STPG2: variants seen among roughly 807,000 people sequenced by gnomAD.
STPG2 encodes sperm tail PG-rich repeat containing 2, also known as sperm-tail PG-rich repeat-containing protein 2.
STPG2 carries 56 observed loss-of-function variants against 54.2 expected under a neutral mutation model. That is an observed-to-expected ratio of 1.03 (90% CI 0.83 to 1.29). The LOEUF (loss-of-function observed/expected upper bound fraction) is 1.29. Ranked by LOEUF, STPG2 falls within the 50% of genes most tolerant of loss-of-function variation. The pLI, the probability that STPG2 is intolerant of heterozygous loss-of-function variation, is 0.00. For synonymous variants in STPG2, 200 were observed against 181.8 expected (o/e 1.10, Z -0.81); for missense variants, 596 against 544.9 (o/e 1.09, Z -0.93).
At chr4:98,116,767 T>C (rs187794039) in intron 3 of STPG2, among the ~76,000 whole-genome samples, 25 of 151,996 alleles carry the variant, frequency 1.6e-4, no homozygotes, top group Admixed American at 2.6e-4. Flanking sequence ...AAAACTCCCA[T>C]GGCCAGAAAG....
intron 5 of STPG2, among the ~76,000 whole-genome samples, chr4:98,021,994 AT>A (rs1736222059): frequency 6.6e-6 from 1 of 151,442 alleles, no homozygotes; most frequent in African/African-American, 2.4e-5. Context: ...GTGTCTTTTA[AT>A]TGGAGCATAT....
At chr4:97,954,456 G>T (rs1195527348) in intron 7 of STPG2, among the ~76,000 whole-genome samples, 1 of 152,204 alleles carries the variant, frequency 6.6e-6, no homozygotes. Context: ...GAGCCTCAAA[G>T]CACATGGCCT....
At chr4:97,793,569 G>C (rs757274189) in intron 9 of STPG2, among the ~76,000 whole-genome samples, 13 of 151,600 alleles carry the variant, frequency 8.6e-5, no homozygotes, top group Non-Finnish European at 1.3e-4. Context: ...TTTACCAAAG[G>C]GGTTTCTAAA....
At chr4:97,616,892 T>C (rs1482019488) in intron 10 of STPG2, among the ~76,000 whole-genome samples, 1 of 152,120 alleles carries the variant, frequency 6.6e-6, no homozygotes, top group Non-Finnish European at 1.5e-5. Flanking sequence ...ATGATTTTGT[T>C]TTCAGGAAGA....
At chr4:98,042,138 C>G in intron 5 of STPG2, among the ~76,000 whole-genome samples, 1 of 151,708 alleles carries the variant, frequency 6.6e-6, no homozygotes, top group East Asian at 1.9e-4. Flanking sequence ...TCATAGCAGT[C>G]TCTGATAATC....
At chr4:98,104,290 T>C (rs975430782) in intron 5 of STPG2, among the ~76,000 whole-genome samples, 1 of 152,182 alleles carries the variant, frequency 6.6e-6, no homozygotes, top group African/African-American at 2.4e-5. Context: ...TCTTCCCTCA[T>C]TGCCTGAAAA....
At chr4:98,091,004 T>C (rs904734507) in intron 5 of STPG2, among the ~76,000 whole-genome samples, 1 of 151,532 alleles carries the variant, frequency 6.6e-6, no homozygotes, top group African/African-American at 2.4e-5. Flanking sequence ...AAATGTCACA[T>C]GCTTCTTATA....
chr4:98,107,101 G>T (rs772895176), intron 4 of STPG2, among the ~76,000 whole-genome samples: 1 of 152,034 alleles, frequency 6.6e-6, no homozygotes. Context: ...CAAATAAACC[G>T]CTTTCAAACC....
intron 10 of STPG2, among the ~76,000 whole-genome samples, chr4:97,614,665 T>C (rs1449120920): frequency 6.6e-6 from 1 of 152,166 alleles, no homozygotes; most frequent in Admixed American, 6.6e-5. Context: ...CTTTGTGCTT[T>C]ACCTTCAAGA....
intron 9 of STPG2, among the ~76,000 whole-genome samples, chr4:97,785,041 G>C (rs949592784): frequency 2.6e-5 from 4 of 152,032 alleles, no homozygotes; most frequent in Admixed American, 1.3e-4. Context: ...TGAAAAGATA[G>C]AGGTGCTACA....
intron 5 of STPG2, among the ~76,000 whole-genome samples, chr4:98,077,697 A>G (rs560665164): frequency 8.5e-5 from 13 of 152,360 alleles, no homozygotes; most frequent in Admixed American, 4.6e-4. Context: ...TAAAAATGCT[A>G]AAAATGTATT....
At chr4:98,064,853 C>G (rs1248405873) in intron 5 of STPG2, among the ~76,000 whole-genome samples, 2 of 152,034 alleles carry the variant, frequency 1.3e-5, no homozygotes. Flanking sequence ...AAACACAAAA[C>G]ATACATTCCA....
intron 5 of STPG2, among the ~76,000 whole-genome samples, chr4:98,094,286 T>C (rs182195070): frequency 3.9e-5 from 6 of 152,286 alleles, no homozygotes; most frequent in Admixed American, 3.9e-4. Flanking sequence ...GGAAACCTGC[T>C]GCCTTGAAGC....
downstream of STPG2, among the ~76,000 whole-genome samples, chr4:97,554,637 A>C (rs558029401): frequency 9.9e-5 from 15 of 152,092 alleles, no homozygotes; most frequent in Non-Finnish European, 2.2e-4. Context: ...CTTGAGCTAT[A>C]AACAACATTC....
At chr4:97,694,573 C>A (rs1202671884) in intron 10 of STPG2, among the ~76,000 whole-genome samples, 1 of 151,772 alleles carries the variant, frequency 6.6e-6, no homozygotes, top group East Asian at 1.9e-4. Flanking sequence ...CTTTGGGAGG[C>A]CGAGGCGGGT....
intron 8 of STPG2, among the ~76,000 whole-genome samples, chr4:97,883,068 C>G (rs1283276289): frequency 6.6e-6 from 1 of 151,686 alleles, no homozygotes; most frequent in Non-Finnish European, 1.5e-5. Context: ...CTGTAATCCC[C>G]ACACTTTGGG....
chr4:97,835,157 T>C (rs977728415), intron 9 of STPG2, among the ~76,000 whole-genome samples: 1 of 152,078 alleles, frequency 6.6e-6, no homozygotes, highest in Non-Finnish European at 1.5e-5. Flanking sequence ...TAAAACAGCA[T>C]GCAGTAAAGA....
chr4:97,889,308 T>C (rs1349132434), intron 8 of STPG2, among the ~76,000 whole-genome samples: 1 of 152,180 alleles, frequency 6.6e-6, no homozygotes, highest in Non-Finnish European at 1.5e-5. Flanking sequence ...TTATCAGTCC[T>C]ACTGCTGTGT....
At chr4:97,518,482 AC>A (rs1731119072) in intron 4 of STPG2, among the ~76,000 whole-genome samples, 1 of 152,134 alleles carries the variant, frequency 6.6e-6, no homozygotes, top group African/African-American at 2.4e-5. Context: ...CCTATGACTT[AC>A]TGGCAGTTTT....
Sources: allele counts gnomAD v4.1 joint callset (sites outside exome capture counted in the v4.1 genomes callset), GRCh38; gene constraint gnomAD v4.1.1; transcripts MANE v1.5; gene names NCBI Gene and HGNC (gene_info 2026-07-23, HGNC 2026-07-21).